Variants in AGBL1 observed in about 807,000 individuals in gnomAD.
The protein encoded by AGBL1 is cytosolic carboxypeptidase 4.
A neutral mutation model predicts 118.9 loss-of-function variants in AGBL1; 130 were observed. The ratio of observed to expected loss-of-function variants is 1.09; its 90% CI spans 0.95 to 1.26. The LOEUF (loss-of-function observed/expected upper bound fraction) is 1.26, where lower values mean the gene tolerates loss of function less well. AGBL1 is among the 50% of genes most tolerant of loss of function. The probability of loss-of-function intolerance (pLI) is 0.00; values close to 1 mark genes in which losing one functional copy is unlikely to be tolerated. For missense variants in AGBL1, 1,584 were observed against 1,298.1 expected (o/e 1.22, Z -3.38); for synonymous variants, 555 against 478.9 (o/e 1.16, Z -2.08).
intron 18 of AGBL1, among the ~76,000 whole-genome samples, chr15:86,443,517 C>A (rs892478169): frequency 6.6e-6 from 1 of 152,034 alleles, no homozygotes; most frequent in African/African-American, 2.4e-5. Context: ...ATTATAGTCA[C>A]CCTACAGTGC....
At chr15:86,794,704 G>A (rs983537837) in intron 22 of AGBL1, among the ~76,000 whole-genome samples, 1 of 151,854 alleles carries the variant, frequency 6.6e-6, no homozygotes, top group Admixed American at 6.6e-5. Context: ...CCCAATCCAT[G>A]TTCAGTGATA....
intron 22 of AGBL1, among the ~76,000 whole-genome samples, chr15:86,700,908 C>T (rs2086346864): frequency 6.6e-6 from 1 of 151,928 alleles, no homozygotes; most frequent in African/African-American, 2.4e-5. Context: ...CACAAACAAC[C>T]CCAAGAGACA....
intron 23 of AGBL1, among the ~76,000 whole-genome samples, chr15:86,923,673 G>A (rs1458739587): frequency 1.3e-5 from 2 of 152,184 alleles, no homozygotes; most frequent in Non-Finnish European, 1.5e-5. Flanking sequence ...ACTATTCCCT[G>A]AAAGCAAGGT....
At chr15:86,240,861 T>C (rs555186302) in intron 6 of AGBL1, among the ~76,000 whole-genome samples, 7 of 152,350 alleles carry the variant, frequency 4.6e-5, no homozygotes, top group African/African-American at 1.7e-4. Flanking sequence ...CAAGTCCTTG[T>C]ATTTATTCTT....
chr15:86,530,453 A>C (rs2083333922), intron 19 of AGBL1, among the ~76,000 whole-genome samples: 1 of 135,598 alleles, frequency 7.4e-6, no homozygotes, highest in Non-Finnish European at 1.5e-5. Context: ...ACCCAGATTC[A>C]TAAAGCAAGT....
intron 22 of AGBL1, among the ~76,000 whole-genome samples, chr15:86,783,369 G>A (rs1427737490): frequency 2.0e-5 from 3 of 152,162 alleles, no homozygotes; most frequent in African/African-American, 7.2e-5. Context: ...GGGATCTCCA[G>A]AAAGTCTGTT....
chr15:86,652,609 T>C (rs1050985437), intron 21 of AGBL1, among the ~76,000 whole-genome samples: 9 of 152,294 alleles, frequency 5.9e-5, no homozygotes, highest in African/African-American at 1.9e-4. Flanking sequence ...TAGCATACTA[T>C]CCATTTATTC....
chr15:86,847,475 G>A (rs1000058508), intron 22 of AGBL1, among the ~76,000 whole-genome samples: 1 of 152,118 alleles, frequency 6.6e-6, no homozygotes, highest in African/African-American at 2.4e-5. Flanking sequence ...TTTGTCATCT[G>A]TTTCCCCTTC....
chr15:86,491,175 G>T (rs2082772860), intron 18 of AGBL1, among the ~76,000 whole-genome samples: 2 of 152,094 alleles, frequency 1.3e-5, no homozygotes, highest in African/African-American at 4.8e-5. Flanking sequence ...ATTTTTCTCA[G>T]TCTGAGGGTC....
chr15:86,284,373 A>T (rs575355225), intron 16 of AGBL1, among the ~76,000 whole-genome samples: 1 of 152,274 alleles, frequency 6.6e-6, no homozygotes, highest in Admixed American at 6.5e-5. Flanking sequence ...TAATTGACAA[A>T]TCTGTGAGTA....
chr15:86,362,294 T>A (rs1406227823), intron 17 of AGBL1, among the ~76,000 whole-genome samples: 2 of 152,340 alleles, frequency 1.3e-5, no homozygotes, highest in East Asian at 3.9e-4. Context: ...AATACTTTTG[T>A]CTTTTAACTT....
chr15:86,462,942 C>T (rs2082352410), intron 18 of AGBL1, among the ~76,000 whole-genome samples: 1 of 152,050 alleles, frequency 6.6e-6, no homozygotes, highest in Non-Finnish European at 1.5e-5. Context: ...ATTTATAATC[C>T]TTTGGGTACC....
chr15:86,476,971 C>T (rs546635772), intron 18 of AGBL1, among the ~76,000 whole-genome samples: 478 of 152,322 alleles, frequency 3.1e-3, no homozygotes, highest in Middle Eastern at 6.8e-3. Context: ...CAACCTGCTC[C>T]TGAATGACTA....
intron 18 of AGBL1, among the ~76,000 whole-genome samples, chr15:86,457,206 T>A (rs914969002): frequency 6.6e-6 from 1 of 152,212 alleles, no homozygotes; most frequent in Non-Finnish European, 1.5e-5. Context: ...CTTTCCATTA[T>A]GAAGGCAACT....
At chr15:86,693,273 T>G (rs772248004) in intron 22 of AGBL1, among the ~76,000 whole-genome samples, 9 of 148,396 alleles carry the variant, frequency 6.1e-5, no homozygotes, top group Non-Finnish European at 1.1e-4. Context: ...CGACATCTAT[T>G]TTTTTTTAAT....
At chr15:86,634,515 T>A (rs909320661) in intron 21 of AGBL1, among the ~76,000 whole-genome samples, 2 of 152,064 alleles carry the variant, frequency 1.3e-5, no homozygotes, top group African/African-American at 4.8e-5. Flanking sequence ...AAAATCTATA[T>A]AGAGAGAAAG....
At chr15:86,616,918 A>T (rs922761178) in intron 21 of AGBL1, among the ~76,000 whole-genome samples, 2 of 152,186 alleles carry the variant, frequency 1.3e-5, no homozygotes, top group Non-Finnish European at 2.9e-5. Flanking sequence ...TTGCTACTTC[A>T]TCTATCTCTT....
At chr15:86,761,589 C>G (rs1342842368) in intron 22 of AGBL1, among the ~76,000 whole-genome samples, 1 of 152,018 alleles carries the variant, frequency 6.6e-6, no homozygotes, top group East Asian at 1.9e-4. Flanking sequence ...TGACTCTGGT[C>G]TCCCTGATAT....
chr15:86,168,815 T>G (rs768574756), intron 5 of AGBL1, among the ~76,000 whole-genome samples: 16 of 152,230 alleles, frequency 1.1e-4, no homozygotes, highest in Non-Finnish European at 1.9e-4. Context: ...ATTACTTTGA[T>G]TTCTGAGATT....
Sources: gnomAD v4.1 joint callset for allele counts (sites outside exome capture counted in the v4.1 genomes callset) on GRCh38, gnomAD v4.1.1 for gene constraint, MANE v1.5 for transcripts, NCBI Gene and HGNC (gene_info 2026-07-23, HGNC 2026-07-21) for gene names.